The following PPP6R2 variants were observed in gnomAD, a reference collection of about 807,000 sequenced individuals.
PPP6R2 encodes protein phosphatase 6 regulatory subunit 2.
In PPP6R2, 62 loss-of-function variants were observed where a neutral mutation model predicts 100.2. That is an observed-to-expected ratio of 0.62 (90% CI 0.50 to 0.76). PPP6R2 has a LOEUF of 0.76. PPP6R2 is among the 30% of genes least tolerant of loss of function. The pLI is 0.00. For missense variants in PPP6R2, 1,142 were observed against 1,276.3 expected (o/e 0.89, Z 1.60); for synonymous variants, 525 against 514.7 (o/e 1.02, Z -0.27).
At chr22:50,376,884 G>C (rs958240442) in intron 2 of PPP6R2, among the ~76,000 whole-genome samples, 1 of 152,024 alleles carries the variant, frequency 6.6e-6, no homozygotes. Flanking sequence ...AAAATTAGCC[G>C]GGCGCGGTGG....
At chr22:50,358,199 T>G (rs2047017594) in intron 1 of PPP6R2, among the ~76,000 whole-genome samples, 2 of 152,292 alleles carry the variant, frequency 1.3e-5, no homozygotes, top group Admixed American at 1.3e-4. Context: ...CAAGTGATCC[T>G]CCACCTTTAG....
Position 50,423,375 on chromosome 22 carries a change from C to T in PPP6R2, c.973-87C>T. 6.4e-7 allele frequency: 1 copy of T among 1,554,140 alleles called. No individual in the cohort carries two copies. The highest frequency in any genetic ancestry group is 8.8e-7 in the Non-Finnish European group (1 of 1,135,546). On this transcript the variant is annotated intron_variant, in intron 9 of 23. Coordinates refer to ENST00000612753, the MANE Select transcript of PPP6R2 (RefSeq NM_001242898.2). This position sits in a 1 kb window ranked among gnomAD's most constrained non-coding sequence, Gnocchi z 4.8. ...TCGCTACCCCAGGCTGGGTCCCAGCCTAGAGTGATGGGCATGAGCCCAGAG... is the reference window on the plus strand; with the variant it reads ...TCGCTACCCCAGGCTGGGTCCCAGCTTAGAGTGATGGGCATGAGCCCAGAG...
chr22:50,357,446 C>T (rs1602224818), intron 1 of PPP6R2, among the ~76,000 whole-genome samples: 1 of 151,314 alleles, frequency 6.6e-6, no homozygotes, highest in African/African-American at 2.4e-5. Context: ...TTTTTTCTCT[C>T]TCTTTCCCTA....
At chr22:50,333,980 A>G in the PPP6R2 span, among the ~76,000 whole-genome samples, 2 of 152,216 alleles carry the variant, frequency 1.3e-5, no homozygotes, top group African/African-American at 4.8e-5. Context: ...AGAGAGAGAG[A>G]GGACAGGTAA....
chr22:50,349,942 A>G (rs574820308), intron 1 of PPP6R2, among the ~76,000 whole-genome samples: 28 of 150,706 alleles, frequency 1.9e-4, no homozygotes, highest in Non-Finnish European at 3.4e-4. Flanking sequence ...ACATGGTGAA[A>G]CTCCGTCTCT....
intron 1 of PPP6R2, among the ~76,000 whole-genome samples, chr22:50,367,156 G>A (rs945531869): frequency 6.6e-6 from 1 of 151,990 alleles, no homozygotes; most frequent in Non-Finnish European, 1.5e-5. Flanking sequence ...ATGTGGGAGC[G>A]GAGGATGCCT....
intron 19 of PPP6R2, 54 bp downstream of exon 19, chr22:50,438,816 A>T: frequency 6.7e-7 from 1 of 1,501,580 alleles, no homozygotes; most frequent in Non-Finnish European, 8.9e-7. Context: ...AGGACATGGT[A>T]CCCCGGCCTG....
intron 2 of PPP6R2, among the ~76,000 whole-genome samples, chr22:50,373,528 C>T (rs1229626722): frequency 6.6e-6 from 1 of 151,484 alleles, no homozygotes; most frequent in African/African-American, 2.4e-5. Context: ...CAGGCGTGAG[C>T]CACCGCGCCC....
At chr22:50,391,714 T>TA (rs398037410) in intron 2 of PPP6R2, among the ~76,000 whole-genome samples, 1 of 151,786 alleles carries the variant, frequency 6.6e-6, no homozygotes, top group Non-Finnish European at 1.5e-5. Context: ...TTTTTTTTTT[T>TA]ATTTTGTCTC....
upstream of PPP6R2, among the ~76,000 whole-genome samples, chr22:50,340,362 A>T (rs1395504623): frequency 1.1e-4 from 4 of 35,732 alleles, no homozygotes; most frequent in Non-Finnish European, 1.6e-4. Context: ...TGTGGTATGG[A>T]GTGTGTGGTA....
At chr22:50,361,967 TGCACATGCAGCAG>T (rs2047882537) in intron 1 of PPP6R2, among the ~76,000 whole-genome samples, 1 of 152,142 alleles carries the variant, frequency 6.6e-6, no homozygotes. Context: ...TTACCTGCAG[TGCACATGCAGCAG>T]GCACTTGCCC....
intron 2 of PPP6R2, among the ~76,000 whole-genome samples, chr22:50,377,735 G>A (rs780004263): frequency 2.0e-5 from 3 of 152,136 alleles, no homozygotes; most frequent in African/African-American, 7.2e-5. Flanking sequence ...TAGGCCAGGC[G>A]CGGTGGCTGA....
intron 3 of PPP6R2, among the ~76,000 whole-genome samples, chr22:50,401,430 A>T (rs1454166507): frequency 6.7e-6 from 1 of 149,952 alleles, no homozygotes; most frequent in Non-Finnish European, 1.5e-5. Flanking sequence ...GATGGTCTCG[A>T]TCTCCTGACC....
At chr22:50,396,504 A>G (rs545228291) in intron 3 of PPP6R2, among the ~76,000 whole-genome samples, 22 of 152,234 alleles carry the variant, frequency 1.4e-4, no homozygotes, top group African/African-American at 5.1e-4. Context: ...CAAAAAAAAA[A>G]AAAAAAAATC....
chr22:50,437,484 T>TACC, intron 15 of PPP6R2, 22 bp from the exon 16 acceptor site: 2 of 542,124 alleles, frequency 3.7e-6, no homozygotes, highest in African/African-American at 2.2e-5. Context: ...TGTCCGTCCC[T>TACC]CCCTCCCTCC....
chr22:50,339,847 GT>G, upstream of PPP6R2, among the ~76,000 whole-genome samples: 2 of 101,556 alleles, frequency 2.0e-5, no homozygotes, highest in South Asian at 3.9e-4. Flanking sequence ...GGTGTGTGGT[GT>G]GTGTGTGGTA....
intron 1 of PPP6R2, among the ~76,000 whole-genome samples, chr22:50,362,138 A>C (rs1439143212): frequency 6.6e-6 from 1 of 152,128 alleles, no homozygotes; most frequent in Non-Finnish European, 1.5e-5. Context: ...GAAGGGGAGG[A>C]GTCGGGGCTA....
At chr22:50,397,624 C>G (rs1410349186) in intron 3 of PPP6R2, among the ~76,000 whole-genome samples, 3 of 123,976 alleles carry the variant, frequency 2.4e-5, no homozygotes, top group South Asian at 2.9e-4. Context: ...GGCAGGGGGG[C>G]CTGTCCTCAC....
At chr22:50,398,526 T>C (rs1344340566) in intron 3 of PPP6R2, among the ~76,000 whole-genome samples, 3 of 149,752 alleles carry the variant, frequency 2.0e-5, no homozygotes, top group Non-Finnish European at 4.5e-5. Context: ...TTTTTTTTTT[T>C]TTTTTTTGGA....
Sources: gnomAD v4.1 joint callset for allele counts (sites outside exome capture counted in the v4.1 genomes callset) on GRCh38, gnomAD v4.1.1 for gene constraint, Gnocchi (gnomAD v3.1) non-coding constraint, MANE v1.5 for transcripts, NCBI Gene and HGNC (gene_info 2026-07-23, HGNC 2026-07-21) for gene names.